GABRB1: variants seen among roughly 807,000 people sequenced by gnomAD.
GABRB1 encodes gamma-aminobutyric acid type A receptor subunit beta1.
In GABRB1, 17 loss-of-function variants were observed where a neutral mutation model predicts 51.6. That is an observed-to-expected ratio of 0.33 (90% CI 0.23 to 0.49). The LOEUF is 0.49. Among genes scored for constraint, GABRB1 ranks in the 20% least tolerant of loss-of-function variants. The pLI is 0.99. For synonymous variants in GABRB1, 247 were observed against 218.9 expected, an observed-to-expected ratio of 1.13 and a Z score of -1.14; for missense variants, 410 against 600.6, an observed-to-expected ratio of 0.68 and a Z score of 3.32.
chr4:47,138,493 T>C (rs770395151), intron 3 of GABRB1, among the ~76,000 whole-genome samples: 1 of 152,062 alleles, frequency 6.6e-6, no homozygotes, highest in African/African-American at 2.4e-5. Flanking sequence ...CTGACCAATC[T>C]GAATTTTTTA....
intron 4 of GABRB1, among the ~76,000 whole-genome samples, chr4:47,301,967 C>A (rs1304565444): frequency 2.0e-5 from 3 of 152,062 alleles, no homozygotes; most frequent in African/African-American, 7.2e-5. Flanking sequence ...CTTTTTGGTT[C>A]ATTTCAAAAT....
intron 5 of GABRB1, among the ~76,000 whole-genome samples, chr4:47,325,000 C>G (rs4495018): frequency 0.62 from 93,690 of 152,054 alleles, 28,996 homozygotes; most frequent in East Asian, 0.7. Flanking sequence ...CTTTTCCAAA[C>G]TATCATTACT....
intron 5 of GABRB1, among the ~76,000 whole-genome samples, chr4:47,339,149 T>A (rs1725797659): frequency 6.6e-6 from 1 of 152,016 alleles, no homozygotes; most frequent in South Asian, 2.1e-4. Context: ...ATCAAAACAG[T>A]AGGAAATGTA....
intron 5 of GABRB1, among the ~76,000 whole-genome samples, chr4:47,362,036 C>T (rs1418018884): frequency 6.6e-6 from 1 of 152,040 alleles, no homozygotes; most frequent in Non-Finnish European, 1.5e-5. Flanking sequence ...AGACCTAGAA[C>T]CCAACCTTGA....
chr4:47,058,203 T>C (rs1281340379), intron 3 of GABRB1, among the ~76,000 whole-genome samples: 1 of 152,186 alleles, frequency 6.6e-6, no homozygotes, highest in African/African-American at 2.4e-5. Flanking sequence ...GAACAAAGCA[T>C]TCATTTCTGT....
intron 4 of GABRB1, among the ~76,000 whole-genome samples, chr4:47,267,471 C>A (rs187642880): frequency 6.6e-6 from 1 of 151,556 alleles, no homozygotes; most frequent in East Asian, 1.9e-4. Flanking sequence ...ATTCAGTCAT[C>A]GAAATGACAG....
At chr4:47,358,846 T>C (rs1726689804) in intron 5 of GABRB1, among the ~76,000 whole-genome samples, 1 of 152,144 alleles carries the variant, frequency 6.6e-6, no homozygotes, top group Non-Finnish European at 1.5e-5. Context: ...ATCTTAGGAA[T>C]TTTTCTGAGT....
chr4:47,236,454 G>T (rs1436607513), intron 4 of GABRB1, among the ~76,000 whole-genome samples: 1 of 151,960 alleles, frequency 6.6e-6, no homozygotes, highest in East Asian at 1.9e-4. Context: ...TATTAATAAA[G>T]GAAACAAAGT....
intron 1 of GABRB1, among the ~76,000 whole-genome samples, chr4:46,998,385 T>C (rs1305823780): frequency 6.6e-6 from 1 of 152,132 alleles, no homozygotes; most frequent in Non-Finnish European, 1.5e-5. Context: ...CATTCAGAAA[T>C]ATTAGTTATT....
At chr4:47,372,155 G>A (rs1247807465) in intron 5 of GABRB1, among the ~76,000 whole-genome samples, 1 of 152,114 alleles carries the variant, frequency 6.6e-6, no homozygotes, top group Non-Finnish European at 1.5e-5. Context: ...TTCTGCATAT[G>A]GCTAGCCAGT....
At chr4:47,052,311 G>C (rs1241561122) in intron 3 of GABRB1, among the ~76,000 whole-genome samples, 1 of 152,144 alleles carries the variant, frequency 6.6e-6, no homozygotes, top group Non-Finnish European at 1.5e-5. Context: ...TGAGGAAAGA[G>C]AGCATGACAG....
At chr4:47,354,574 T>C (rs549924864) in intron 5 of GABRB1, among the ~76,000 whole-genome samples, 1 of 152,258 alleles carries the variant, frequency 6.6e-6, no homozygotes, top group East Asian at 1.9e-4. Context: ...TTTCCTTTCA[T>C]CTTAGGAATT....
At chr4:47,395,885 G>T (rs1728163795) in intron 5 of GABRB1, among the ~76,000 whole-genome samples, 1 of 151,852 alleles carries the variant, frequency 6.6e-6, no homozygotes, top group Admixed American at 6.6e-5. Context: ...ATATTAGCAT[G>T]TTGCAACATT....
chr4:47,068,347 G>T (rs1339746989), intron 3 of GABRB1, among the ~76,000 whole-genome samples: 3 of 152,172 alleles, frequency 2.0e-5, no homozygotes, highest in Non-Finnish European at 2.9e-5. Flanking sequence ...TTTGCTTCAA[G>T]AACTTTTCTT....
intron 3 of GABRB1, among the ~76,000 whole-genome samples, chr4:47,119,497 T>C (rs904920632): frequency 1.4e-5 from 2 of 139,022 alleles, no homozygotes; most frequent in East Asian, 4.2e-4. Flanking sequence ...GACAAAACAT[T>C]TTCTTTTTCT....
rs747950182 is a variant in GABRB1, at chr4:47,032,453, C to T, written c.209C>T (p.Ala70Val). ...PVDVGMRIDV[A>V]SIDMVSEVNM... is the part of the protein sequence containing the mutation. ...GACGTTGGGATGCGGATCGATGTCG[C>T]CAGCATAGACATGGTCTCCGAAGTG... The change falls in exon 3 of 9, where the codon GCC (alanine) becomes GTC (valine). Residue 70 changes from alanine (A) to valine (V), a missense_variant. Coordinates refer to ENST00000295454, the MANE Select transcript of GABRB1 (RefSeq NM_000812.4). 1 of 1,608,158 alleles carries T rather than the reference C, an allele frequency of 6.2e-7. No homozygotes were observed. Among genetic ancestry groups the T allele is most frequent in the Non-Finnish European group, 8.5e-7 (1 of 1,176,444 alleles).
intron 5 of GABRB1, among the ~76,000 whole-genome samples, chr4:47,397,754 G>A (rs1192217650): frequency 6.6e-6 from 1 of 151,616 alleles, no homozygotes; most frequent in African/African-American, 2.4e-5. Context: ...TGTATTTTTA[G>A]TAGAGACAGG....
intron 3 of GABRB1, among the ~76,000 whole-genome samples, chr4:47,055,356 T>A (rs1726542879): frequency 1.3e-5 from 2 of 152,190 alleles, no homozygotes; most frequent in Non-Finnish European, 2.9e-5. Flanking sequence ...TGGGTTGGAA[T>A]TAAATGTTCT....
intron 1 of GABRB1, among the ~76,000 whole-genome samples, chr4:47,015,471 A>C (rs1724715992): frequency 6.6e-6 from 1 of 152,220 alleles, no homozygotes; most frequent in Admixed American, 6.5e-5. Context: ...GAATTAGTCC[A>C]AACAAGACTC....
Sources: allele counts gnomAD v4.1 joint callset (sites outside exome capture counted in the v4.1 genomes callset), GRCh38; gene constraint gnomAD v4.1.1; transcripts MANE v1.5; gene names NCBI Gene and HGNC (gene_info 2026-07-23, HGNC 2026-07-21).